The following ADCY5 variants were observed in gnomAD, a reference collection of about 807,000 sequenced individuals.
ADCY5 encodes adenylate cyclase type 5.
A neutral mutation model predicts 119.7 loss-of-function variants in ADCY5; 30 were observed. The ratio of observed to expected loss-of-function variants is 0.25; its 90% CI spans 0.19 to 0.34. The LOEUF is 0.34. ADCY5 is among the 10% of genes least tolerant of loss of function. The pLI is 1.00. For synonymous variants in ADCY5, 753 were observed against 762.2 expected, an observed-to-expected ratio of 0.99 and a Z score of 0.20; for missense variants, 1,324 against 1,775.2, an observed-to-expected ratio of 0.75 and a Z score of 4.57.
At chr3:123,345,337 G>A (rs1219205500) in intron 3 of ADCY5, among the ~76,000 whole-genome samples, 1 of 152,278 alleles carries the variant, frequency 6.6e-6, no homozygotes, top group Non-Finnish European at 1.5e-5. Flanking sequence ...AGGCTGGGAA[G>A]CTGTGCTGGA....
intron 1 of ADCY5, among the ~76,000 whole-genome samples, chr3:123,371,061 C>T (rs148103543): frequency 1.5e-4 from 23 of 152,282 alleles, no homozygotes; most frequent in African/African-American, 4.1e-4. Context: ...ATTCTCAAGA[C>T]GGAAGGAAGC....
intron 1 of ADCY5, among the ~76,000 whole-genome samples, chr3:123,440,370 G>A (rs1667611061): frequency 2.0e-5 from 3 of 152,352 alleles, no homozygotes; most frequent in Middle Eastern, 3.4e-3. Flanking sequence ...TAGTGGGCAG[G>A]GAGGGGGGCC....
intron 1 of ADCY5, among the ~76,000 whole-genome samples, chr3:123,377,789 G>A (rs1394048049): frequency 6.6e-6 from 1 of 152,024 alleles, no homozygotes; most frequent in South Asian, 2.1e-4. Flanking sequence ...AATTAGCTGC[G>A]TGTGGTGGTG....
intron 1 of ADCY5, among the ~76,000 whole-genome samples, chr3:123,420,663 G>T (rs1435082293): frequency 6.6e-6 from 1 of 152,192 alleles, no homozygotes; most frequent in Non-Finnish European, 1.5e-5. Flanking sequence ...TCCCTGGGGG[G>T]TAACAAGCAG....
chr3:123,440,461 A>ACC (rs146979275), intron 1 of ADCY5, among the ~76,000 whole-genome samples: 2 of 149,464 alleles, frequency 1.3e-5, no homozygotes, highest in Admixed American at 1.3e-4. Flanking sequence ...TTGTCTAACC[A>ACC]CCCCCCCTTT....
chr3:123,310,450 G>A (rs953076617), intron 12 of ADCY5, among the ~76,000 whole-genome samples: 2 of 152,178 alleles, frequency 1.3e-5, no homozygotes, highest in Non-Finnish European at 2.9e-5. Context: ...TATCCCTGGA[G>A]GTGATCAAGC....
chr3:123,427,470 C>G (rs1945438534), intron 1 of ADCY5, among the ~76,000 whole-genome samples: 1 of 152,204 alleles, frequency 6.6e-6, no homozygotes, highest in Non-Finnish European at 1.5e-5. Context: ...GCCACCATGC[C>G]TTCGCTCCTG....
In ADCY5 at chr3:123,304,067, C is replaced by G; in HGVS notation, c.2559G>C (p.Met853Ile). 1 of 1,606,566 alleles carries G rather than the reference C, an allele frequency of 6.2e-7. No individual in the cohort carries two copies. The highest frequency in any genetic ancestry group is 8.5e-7 in the Non-Finnish European group (1 of 1,173,194). The change falls in exon 13 of 21, where the codon ATG becomes ATC. Residue 853 changes from methionine to isoleucine, a missense_variant and splice_region_variant. This residue lies in a region of ADCY5 where 424 missense variants were observed against 546.8 expected (regional missense o/e 0.78). Transcript: ENST00000462833. Reference protein sequence around the residue: ...TLVFLAAFVNMFTCNSRDLLG... With the variant: ...TLVFLAAFVNIFTCNSRDLLG... ...GCTAGGAGGTCGTGCAGCCACCCAC[C>G]ATGTTGACAAAAGCCGCCAGGAACA...
intron 1 of ADCY5, among the ~76,000 whole-genome samples, chr3:123,424,983 C>A (rs1395270596): frequency 1.3e-5 from 2 of 152,242 alleles, no homozygotes; most frequent in African/African-American, 4.8e-5. Context: ...ACTCCTTCAG[C>A]CAGGGTCAGG....
Position 123,291,095 on chromosome 3 carries a change from C to G in ADCY5, c.3327+18G>C. 6.2e-7 allele frequency: 1 copy of G among 1,600,448 alleles called. No homozygotes were observed. Among genetic ancestry groups the G allele is most frequent in the Non-Finnish European group, 8.5e-7 (1 of 1,171,880 alleles). On this transcript the variant is annotated intron_variant, in intron 18 of 20. Transcript: ENST00000462833. ...GCCCCTCCCAGGAACACAGCCTGAC[C>G]CAGGCCCCGCTGTGCACCTCATCAA...
At chr3:123,426,299 G>GTTTTTTTTTTTTTTTT (rs750760543) in intron 1 of ADCY5, among the ~76,000 whole-genome samples, 2 of 97,932 alleles carry the variant, frequency 2.0e-5, no homozygotes, top group African/African-American at 3.4e-5. Context: ...TTTCTTTTGT[G>GTTTTTTTTTTTTTTTT]TTTTTTTTTT....
chr3:123,357,929 TCTC>T (rs1317654725), intron 1 of ADCY5, among the ~76,000 whole-genome samples: 1 of 152,088 alleles, frequency 6.6e-6, no homozygotes, highest in African/African-American at 2.4e-5. Flanking sequence ...CAGGCTCTCT[TCTC>T]CACTCAGTGA....
At position 123,396,505 on chromosome 3, in the gene ADCY5, G is replaced by GAGAA. The variant is rs201253191; in HGVS notation, c.1135-43928_1135-43925dup. On this transcript the variant is annotated intron_variant, in intron 1 of 20. Transcript: ENST00000462833. Reference sequence around the variant, plus strand: ...AGAGAGAGGGAAAGAGGGAAAATAAGAGAAAGAAAGAAAGAGAGAGAGAAA... The same window carrying GAGAA: ...AGAGAGAGGGAAAGAGGGAAAATAAGAGAAAGAAAGAAAGAAAGAGAGAGAGAAA... Among the ~76,000 whole-genome samples, 1,678 of 112,508 alleles carry GAGAA rather than the reference G, an allele frequency of 0.015. 146 individuals are homozygous for GAGAA. In the East Asian group the frequency reaches 0.21, roughly 14 times the overall value. 73.8% of individuals were successfully genotyped at this position (112,508 alleles called of 152,430 possible).
intron 1 of ADCY5, among the ~76,000 whole-genome samples, chr3:123,377,801 G>C (rs1196323884): frequency 6.6e-6 from 1 of 151,984 alleles, no homozygotes; most frequent in East Asian, 1.9e-4. Context: ...GTGGTGGTGT[G>C]TGCCTGTAGT....
chr3:123,434,412 G>A (rs940725503), intron 1 of ADCY5, among the ~76,000 whole-genome samples: 7 of 152,174 alleles, frequency 4.6e-5, no homozygotes, highest in Non-Finnish European at 7.4e-5. Context: ...ATACAGGAGA[G>A]AAAAAGGACT....
In ADCY5 at chr3:123,447,778, C is replaced by T. The variant is rs200504934; in HGVS notation, c.768G>A (p.Met256Ile). ...MAVLVLVCLVMLAFHAARPPL... is the reference protein window; with the variant it reads ...MAVLVLVCLVILAFHAARPPL... ...GGGGCCGCGCCGCGTGGAAGGCCAACATGACCAGGCACACGAGCACCAGCA... is the reference window on the plus strand; with the variant it reads ...GGGGCCGCGCCGCGTGGAAGGCCAATATGACCAGGCACACGAGCACCAGCA... Residue 256 changes from methionine to isoleucine, a missense_variant, in exon 1 of 21, where the codon ATG becomes ATA. Transcript: ENST00000462833. 8.1e-6 allele frequency: 13 copies of T among 1,610,088 alleles called. No homozygotes were observed. The highest frequency in any genetic ancestry group is 1.0e-5 in the Non-Finnish European group (12 of 1,178,040).
intron 1 of ADCY5, among the ~76,000 whole-genome samples, chr3:123,386,961 T>A (rs1395772245): frequency 6.6e-6 from 1 of 152,194 alleles, no homozygotes; most frequent in Non-Finnish European, 1.5e-5. Context: ...GCACAGCTCA[T>A]GCAAACACTA....
intron 15 of ADCY5, among the ~76,000 whole-genome samples, chr3:123,297,870 A>G (rs1939618247): frequency 6.6e-6 from 1 of 152,272 alleles, no homozygotes; most frequent in Non-Finnish European, 1.5e-5. Flanking sequence ...ATATTTCATT[A>G]AGAATTTTAT....
At chr3:123,330,821 G>A (rs1006204856) in intron 5 of ADCY5, 68 bp downstream of exon 5, 6 of 1,501,910 alleles carry the variant, frequency 4.0e-6, no homozygotes, top group African/African-American at 1.4e-5. Context: ...CAGCCGGCAG[G>A]TCAGTCAGTC....
Sources: gnomAD v4.1 joint callset for allele counts (sites outside exome capture counted in the v4.1 genomes callset) on GRCh38, gnomAD v4.1.1 for gene constraint, gnomAD v4.1.1 regional missense constraint, MANE v1.5 for transcripts, NCBI Gene and HGNC (gene_info 2026-07-23, HGNC 2026-07-21) for gene names.